NLRC5: variants seen among roughly 807,000 people sequenced by gnomAD.
The protein encoded by NLRC5 is protein NLRC5.
NLRC5 carries 114 observed loss-of-function variants against 206.9 expected under a neutral mutation model. That is an observed-to-expected ratio of 0.55 (90% confidence interval 0.47 to 0.64). The LOEUF (loss-of-function observed/expected upper bound fraction) is 0.64, where lower values mean the gene tolerates loss of function less well. Among genes scored for constraint, NLRC5 ranks in the 30% least tolerant of loss-of-function variants. NLRC5 has a pLI of 0.00. For missense variants in NLRC5, 2,008 were observed against 2,305.5 expected (o/e 0.87, Z 2.64); for synonymous variants, 952 against 962.8 (o/e 0.99, Z 0.21).
chr16:57,061,320 C>T (rs1295977976), intron 30 of NLRC5, 128 bp from the exon 31 acceptor site: 1 of 883,198 alleles, frequency 1.1e-6, no homozygotes, highest in Non-Finnish European at 1.7e-6. Context: ...GCCTCTCAGG[C>T]CCTGCTCCAG....
chr16:57,013,253 A>T lies in NLRC5; in HGVS notation c.-127-3821A>T, dbSNP rs1449569386. 3 of 536,432 alleles carry T rather than the reference A, an allele frequency of 5.6e-6. No homozygotes were observed. The East Asian group carries it at 1.3e-4, about 23-fold the overall frequency. 33.2% of individuals were successfully genotyped at this position (536,432 alleles called of 1,614,324 possible). On this transcript the variant is annotated intron_variant, in intron 1 of 48. Transcript: ENST00000688547. ...GGTAAAGCCACATTCAATCTTTGGC[A>T]CTCCAGGATTTTGAGCTATAACTGT...
At chr16:57,022,158 C>A in intron 3 of NLRC5, 98 bp from the exon 4 acceptor site, 1 of 917,456 alleles carries the variant, frequency 1.1e-6, no homozygotes, top group East Asian at 2.6e-5. Context: ...CTGGGTATCT[C>A]CCTGTGAGAT....
intron 27 of NLRC5, among the ~76,000 whole-genome samples, chr16:57,055,766 A>G (rs921291665): frequency 6.6e-6 from 1 of 152,172 alleles, no homozygotes; most frequent in Admixed American, 6.6e-5. Context: ...GGCAGCCCTC[A>G]GCCTCAAGTA....
intron 21 of NLRC5, among the ~76,000 whole-genome samples, chr16:57,046,031 C>G (rs763011260): frequency 6.6e-6 from 1 of 152,182 alleles, no homozygotes; most frequent in Non-Finnish European, 1.5e-5. Flanking sequence ...CAGGGTGGGC[C>G]CATGTGCAGC....
chr16:57,074,389 G>A, intron 38 of NLRC5: 1 of 535,206 alleles, frequency 1.9e-6, no homozygotes, highest in South Asian at 2.1e-5. Flanking sequence ...TCAGAACATA[G>A]AACTGCTGCC....
intron 1 of NLRC5, among the ~76,000 whole-genome samples, chr16:57,002,095 A>G (rs2058324270): frequency 6.6e-6 from 1 of 152,082 alleles, no homozygotes; most frequent in African/African-American, 2.4e-5. Context: ...ATTCTTTTTG[A>G]TGGCTGAATA....
intron 1 of NLRC5, among the ~76,000 whole-genome samples, chr16:56,998,473 C>G (rs566355954): frequency 2.4e-4 from 37 of 152,166 alleles, no homozygotes; most frequent in Admixed American, 9.2e-4. Flanking sequence ...TATTTAAGCC[C>G]CACAATAACT....
intron 41 of NLRC5, 23 bp from the exon 42 acceptor site, chr16:57,077,696 T>A (rs1229143907): frequency 6.5e-7 from 1 of 1,547,342 alleles, no homozygotes; most frequent in Non-Finnish European, 8.7e-7. Flanking sequence ...TCAGAGGACC[T>A]GATGGCTGCC....
chr16:57,028,381 G>A lies in NLRC5; in HGVS notation c.2239G>A (p.Val747Ile), dbSNP rs1308999920. The A allele has an allele frequency of 6.2e-7, 1 of 1,613,688 alleles. No individual in the cohort carries two copies. Among genetic ancestry groups the A allele is most frequent in the Non-Finnish European group, 8.5e-7 (1 of 1,179,572 alleles). ...ALPLCPQLKE[V>I]SFRDNQLSDQ... ...GCCTCTCTGTCCACAGCTGAAAGAA[G>A]TCAGGTGAGTGATCTCCAGGAGGGC... The change falls in exon 8 of 49, where the codon GTC becomes ATC. Residue 747 changes from valine to isoleucine, a missense_variant. By Grantham distance (29) the Val-to-Ile change is conservative (BLOSUM62 3). Coordinates refer to ENST00000688547, the MANE Select transcript of NLRC5 (RefSeq NM_001384950.1).
intron 32 of NLRC5, 41 bp from the exon 33 acceptor site, chr16:57,065,171 T>C: frequency 7.3e-7 from 1 of 1,376,810 alleles, no homozygotes; most frequent in Non-Finnish European, 9.7e-7. Flanking sequence ...TGTCTGCTGC[T>C]CACCTTGGGG....
intron 24 of NLRC5, among the ~76,000 whole-genome samples, chr16:57,053,418 G>C (rs530657828): frequency 6.6e-6 from 1 of 152,318 alleles, no homozygotes; most frequent in East Asian, 1.9e-4. Flanking sequence ...TCCTAGGAGA[G>C]GAGGAAGAGA....
Position 57,075,005 on chromosome 16 carries a change from C to CTTTTTT in NLRC5, c.4751+359_4751+364dup, listed in dbSNP as rs77796033. 1.5e-3 allele frequency among the ~76,000 whole-genome samples: 85 copies of CTTTTTT among 58,104 alleles called. 35 individuals carry two copies. Among genetic ancestry groups the CTTTTTT allele is most frequent in the East Asian group, 3.4e-3 (6 of 1,764 alleles). The allele number at this position is 58,104 out of a possible 152,430, so 38.1% of individuals were successfully genotyped here. ...GGTCTGGAATTCTGCCTAGACTGTG[C>CTTTTTT]TTTTTTTTTTTTTTTTTTTTTTTTT... On this transcript the variant is annotated intron_variant, in intron 39 of 48. Transcript: ENST00000688547.
At chr16:57,023,730 C>A (rs1354617544) in intron 4 of NLRC5, 55 bp from the exon 5 acceptor site, 9 of 1,476,866 alleles carry the variant, frequency 6.1e-6, no homozygotes, top group Non-Finnish European at 8.4e-6. Flanking sequence ...TCTGGGTAAC[C>A]CCTCAGCCCA....
chr16:57,079,227 G>A lies in NLRC5; in HGVS notation c.5172G>A (p.Ala1724=), dbSNP rs199476016. The A allele has an allele frequency of 1.2e-5, 20 of 1,613,980 alleles. No homozygotes were observed. The highest frequency in any genetic ancestry group is 1.6e-4 in the Middle Eastern group (1 of 6,062). ...TATCTCCCCTACCCTGCAGCTTGGC[G>A]GAAAACAACCTGGCTGGAGGGGTCC... ...GSPHLEEISL[A]ENNLAGGVLR... Residue 1724 remains alanine (A), a synonymous_variant, in exon 45 of 49, where the codon GCG becomes GCA. Coordinates refer to ENST00000688547, the MANE Select transcript of NLRC5 (RefSeq NM_001384950.1).
At chr16:57,010,325 TAAACTC>T (rs1185301085) in intron 1 of NLRC5, among the ~76,000 whole-genome samples, 1 of 152,216 alleles carries the variant, frequency 6.6e-6, no homozygotes, top group Admixed American at 6.5e-5. Flanking sequence ...GCATAAATGT[TAAACTC>T]AAAAGTAAAA....
intron 10 of NLRC5, among the ~76,000 whole-genome samples, 196 bp downstream of exon 10, chr16:57,030,280 A>C (rs1315937964): frequency 1.3e-5 from 2 of 152,176 alleles, no homozygotes; most frequent in Non-Finnish European, 2.9e-5. Flanking sequence ...TAATGGATGG[A>C]TGAAAAGATG....
chr16:57,081,217 A>G lies in NLRC5; in HGVS notation c.5405+36A>G, dbSNP rs201734988. 36 of 1,527,114 alleles carry G rather than the reference A, an allele frequency of 2.4e-5. No homozygotes were observed. The East Asian group carries it at 7.6e-4, about 32-fold the overall frequency. 94.6% of individuals were successfully genotyped at this position (1,527,114 alleles called of 1,614,324 possible). A position where few individuals can be genotyped will look rare whatever the true frequency, so the allele number is the denominator to read the frequency against. On this transcript the variant is annotated intron_variant, in intron 47 of 48. Transcript: ENST00000688547. ...CCGGGGGAGGAATGGGACGGGCTAA[A>G]GGGGGACCTACATCCCGGGAACACC...
intron 17 of NLRC5, 26 bp from the exon 18 acceptor site, chr16:57,041,459 A>T: frequency 1.9e-6 from 3 of 1,595,244 alleles, no homozygotes; most frequent in Non-Finnish European, 2.6e-6. Flanking sequence ...TGGGGCATGC[A>T]GCACTGTGTT....
intron 46 of NLRC5, 69 bp from the exon 47 acceptor site, chr16:57,081,029 C>T: frequency 2.5e-5 from 35 of 1,399,782 alleles, no homozygotes; most frequent in Non-Finnish European, 3.3e-5. Context: ...TTTCCCCATT[C>T]ACTGCCTTGT....
Sources: gnomAD v4.1 joint callset for allele counts (sites outside exome capture counted in the v4.1 genomes callset) on GRCh38, gnomAD v4.1.1 for gene constraint, MANE v1.5 for transcripts, NCBI Gene and HGNC (gene_info 2026-07-23, HGNC 2026-07-21) for gene names.